The following OTUD7A variants were observed in gnomAD, a reference collection of about 807,000 sequenced individuals.
OTUD7A encodes the protein OTU domain-containing protein 7A.
In OTUD7A, 12 loss-of-function variants were observed where a neutral mutation model predicts 65.7. The observed-to-expected ratio is 0.18, with a 90% CI of 0.12 to 0.30. The LOEUF is 0.30. Among genes scored for constraint, OTUD7A ranks in the 10% least tolerant of loss-of-function variants. The pLI, the probability that OTUD7A is intolerant of heterozygous loss-of-function variation, is 1.00. For synonymous variants in OTUD7A, 641 were observed against 586.3 expected, an observed-to-expected ratio of 1.09 and a Z score of -1.35; for missense variants, 1,148 against 1,304.8, an observed-to-expected ratio of 0.88 and a Z score of 1.85.
At position 31,783,364 on chromosome 15, in the gene OTUD7A, T is replaced by C. The variant is rs576603774; in HGVS notation, c.-100+87143A>G. 2.6e-5 allele frequency among the ~76,000 whole-genome samples: 4 copies of C among 152,362 alleles called. No individual in the cohort carries two copies. The South Asian group carries it at 6.2e-4, about 24-fold the overall frequency. On this transcript the variant is annotated intron_variant, in intron 1 of 12. Coordinates refer to ENST00000307050, the MANE Select transcript of OTUD7A (RefSeq NM_001382637.1). ...TTCCAAAAGGTCAAGACTATTTTCA[T>C]GATCATTCAATGATCATTCTAAGGA...
At chr15:31,503,949 C>T (rs369291885) in intron 8 of OTUD7A, 131 bp from the exon 9 acceptor site, 31 of 1,127,780 alleles carry the variant, frequency 2.7e-5, no homozygotes, top group East Asian at 5.2e-5. Flanking sequence ...CCGGCAGCTG[C>T]GCCATCCTGG....
Position 31,487,974 on chromosome 15 carries a change from A to G in OTUD7A, c.1172-408T>C, listed in dbSNP as rs2041264021. ...CGTCCCAGAGAAGGGCCGAATGTGCAAGTCAGGTGAGCAAGGGTGTTGCTG... is the reference window on the plus strand; with the variant it reads ...CGTCCCAGAGAAGGGCCGAATGTGCGAGTCAGGTGAGCAAGGGTGTTGCTG... On this transcript the variant is annotated intron_variant, in intron 10 of 12. Transcript: ENST00000307050. This position sits in a 1 kb window ranked among gnomAD's most constrained non-coding sequence, Gnocchi z 6.0. Among the ~76,000 whole-genome samples, 1 of 152,182 alleles carries G rather than the reference A, an allele frequency of 6.6e-6. No homozygotes were observed. Among genetic ancestry groups the G allele is most frequent in the Non-Finnish European group, 1.5e-5 (1 of 68,028 alleles).
At chr15:31,509,955 TAATTTGCA>T (rs2041656554) in intron 8 of OTUD7A, among the ~76,000 whole-genome samples, 1 of 151,950 alleles carries the variant, frequency 6.6e-6, no homozygotes, top group Admixed American at 6.5e-5. Flanking sequence ...CCTTTTTTTT[TAATTTGCA>T]TTTATTTTTC....
chr15:31,571,797 C>T (rs1024815443), intron 3 of OTUD7A, among the ~76,000 whole-genome samples: 2 of 152,160 alleles, frequency 1.3e-5, no homozygotes, highest in African/African-American at 2.4e-5. Context: ...ATCTATACTC[C>T]GTGAGTTTCT....
chr15:31,719,752 A>G (rs1046185384), intron 1 of OTUD7A, among the ~76,000 whole-genome samples: 1 of 152,182 alleles, frequency 6.6e-6, no homozygotes, highest in African/African-American at 2.4e-5. Flanking sequence ...TCAGAAGAAA[A>G]GCCAAGTCCT....
intron 5 of OTUD7A, among the ~76,000 whole-genome samples, chr15:31,552,305 T>A (rs968438147): frequency 6.6e-6 from 1 of 152,160 alleles, no homozygotes; most frequent in Admixed American, 6.5e-5. Context: ...GGTATCCCTT[T>A]AAAGCAATGC....
At chr15:31,600,218 G>C (rs1890033959) in intron 3 of OTUD7A, among the ~76,000 whole-genome samples, 1 of 152,124 alleles carries the variant, frequency 6.6e-6, no homozygotes, top group South Asian at 2.1e-4. Flanking sequence ...GATTCACCAA[G>C]GTTGAAATGC....
chr15:31,495,238 G>A (rs2041366489), intron 10 of OTUD7A, among the ~76,000 whole-genome samples: 1 of 152,198 alleles, frequency 6.6e-6, no homozygotes, highest in South Asian at 2.1e-4. Context: ...CAGTGCTTTG[G>A]GTCCCTGAGT....
At chr15:31,632,603 T>A (rs1891205935) in intron 3 of OTUD7A, among the ~76,000 whole-genome samples, 1 of 152,252 alleles carries the variant, frequency 6.6e-6, no homozygotes. Flanking sequence ...CTGCCCGTTC[T>A]CAGATCTCCA....
rs1226657265 is a variant in OTUD7A at position 31,483,577 on chromosome 15, GC to G, written c.2518del (p.Ala840ProfsTer147). ...CGCCGTCCCCGCCGCGCCCGGTAGG[GC>G]CCCGGGCACCGCGCGCGCCAGCGAC... ...VESLARAVPG[A>X]LPGAAGTAGA... On this transcript the variant is annotated frameshift_variant, in exon 13 of 13. Coordinates refer to ENST00000307050, the MANE Select transcript of OTUD7A (RefSeq NM_001382637.1). LOFTEE classifies it high-confidence loss of function. The G allele has an allele frequency of 2.4e-6, 3 of 1,257,174 alleles. No homozygotes were observed. The highest frequency in any genetic ancestry group is 5.0e-5 in the South Asian group (2 of 39,986). 77.9% of individuals were successfully genotyped at this position (1,257,174 alleles called of 1,614,324 possible).
chr15:31,832,708 T>C (rs1477940834), intron 1 of OTUD7A, among the ~76,000 whole-genome samples: 1 of 152,236 alleles, frequency 6.6e-6, no homozygotes. Context: ...TATGTGTTTT[T>C]TGTGACTGGC....
rs999860205 is a variant in OTUD7A at position 31,754,342 on chromosome 15, T to C, written c.-99-97265A>G. On this transcript the variant is annotated intron_variant, in intron 1 of 12. Coordinates refer to ENST00000307050, the MANE Select transcript of OTUD7A (RefSeq NM_001382637.1). The stretch of plus-strand genomic sequence containing the variant: ...ACTCTGCTGGCTGTTCCTTTTGCCA[T>C]GCAAAAGCTCTTTGGTTTAATTAAG... 7.2e-5 allele frequency among the ~76,000 whole-genome samples: 11 copies of C among 152,374 alleles called. No homozygotes were observed. The South Asian group carries it at 2.3e-3, about 32-fold the overall frequency.
At chr15:31,619,676 A>G (rs1435910642) in intron 3 of OTUD7A, among the ~76,000 whole-genome samples, 2 of 151,974 alleles carry the variant, frequency 1.3e-5, no homozygotes. Flanking sequence ...GGCTGAGACA[A>G]TGGGGTTTTC....
intron 3 of OTUD7A, among the ~76,000 whole-genome samples, chr15:31,583,603 G>T (rs900070050): frequency 2.0e-5 from 3 of 151,634 alleles, no homozygotes; most frequent in Non-Finnish European, 2.9e-5. Context: ...AGCCCCTTCT[G>T]CTTGGTTCTC....
At chr15:31,497,540 G>C (rs750764453) in intron 10 of OTUD7A, among the ~76,000 whole-genome samples, 2 of 152,176 alleles carry the variant, frequency 1.3e-5, no homozygotes, top group Non-Finnish European at 2.9e-5. Context: ...GTGAGCCACT[G>C]TGCCTGGCCA....
intron 8 of OTUD7A, among the ~76,000 whole-genome samples, chr15:31,525,876 T>C (rs1401235238): frequency 6.6e-6 from 1 of 152,230 alleles, no homozygotes; most frequent in African/African-American, 2.4e-5. Context: ...AACACCAGGC[T>C]AGCTTAATGA....
At chr15:31,611,372 C>G (rs906124503) in intron 3 of OTUD7A, among the ~76,000 whole-genome samples, 50 of 152,240 alleles carry the variant, frequency 3.3e-4, no homozygotes, top group African/African-American at 1.1e-3. Flanking sequence ...AAACAAAAAG[C>G]TGGTTCTTTG....
intron 5 of OTUD7A, chr15:31,557,872 A>G (rs1888549995): frequency 6.6e-6 from 1 of 151,840 alleles, no homozygotes; most frequent in Non-Finnish European, 1.5e-5. Flanking sequence ...GAAAAGCTCT[A>G]CTCCCTAACA....
At chr15:31,590,250 C>CTAGA (rs1306574646) in intron 3 of OTUD7A, among the ~76,000 whole-genome samples, 1 of 152,208 alleles carries the variant, frequency 6.6e-6, no homozygotes, top group African/African-American at 2.4e-5. Context: ...AGGTTATAGC[C>CTAGA]TAGAGCCTAG....
Sources: gnomAD v4.1 joint callset for allele counts (sites outside exome capture counted in the v4.1 genomes callset) on GRCh38, gnomAD v4.1.1 for gene constraint, Gnocchi (gnomAD v3.1) non-coding constraint, MANE v1.5 for transcripts, NCBI Gene and HGNC (gene_info 2026-07-23, HGNC 2026-07-21) for gene names.